The following ATG7 variants were observed in gnomAD, a reference collection of about 807,000 sequenced individuals.
ATG7 encodes the protein autophagy related 7, also known as ubiquitin-like modifier-activating enzyme ATG7.
In ATG7, 70 loss-of-function variants were observed where a neutral mutation model predicts 82.4. The ratio of observed to expected loss-of-function variants is 0.85; its 90% CI spans 0.70 to 1.04. ATG7 has a LOEUF of 1.04. ATG7 is among the 50% of genes least tolerant of loss of function. The pLI, the probability that ATG7 is intolerant of heterozygous loss-of-function variation, is 0.00. For synonymous variants in ATG7, 287 were observed against 313.0 expected (o/e 0.92, Z 0.88); for missense variants, 792 against 864.3 (o/e 0.92, Z 1.05).
chr3:11,539,854 C>T (rs1259756793), intron 20 of ATG7, among the ~76,000 whole-genome samples: 1 of 152,230 alleles, frequency 6.6e-6, no homozygotes, highest in African/African-American at 2.4e-5. Flanking sequence ...CCTGTCCTGC[C>T]CTGCACAGCC....
intron 20 of ATG7, among the ~76,000 whole-genome samples, chr3:11,473,535 C>T (rs1201960079): frequency 1.3e-5 from 2 of 152,126 alleles, no homozygotes; most frequent in Non-Finnish European, 1.5e-5. Flanking sequence ...CCTGAAAGGC[C>T]GTTCTCCAAG....
intron 20 of ATG7, among the ~76,000 whole-genome samples, chr3:11,506,564 A>G (rs2091728794): frequency 1.4e-5 from 1 of 69,580 alleles, no homozygotes; most frequent in Non-Finnish European, 3.0e-5. Flanking sequence ...CAAAAAAAAA[A>G]AAAAAAAAAA....
intron 14 of ATG7, among the ~76,000 whole-genome samples, chr3:11,349,366 C>T (rs1045436232): frequency 6.6e-6 from 1 of 152,098 alleles, no homozygotes; most frequent in African/African-American, 2.4e-5. Context: ...TAGTGAGACC[C>T]TATCTCTTTA....
At chr3:11,384,011 A>G (rs2078125238) in intron 19 of ATG7, among the ~76,000 whole-genome samples, 1 of 152,204 alleles carries the variant, frequency 6.6e-6, no homozygotes, top group African/African-American at 2.4e-5. Context: ...CACTCCAGAA[A>G]GTTCCCAGGT....
intron 11 of ATG7, 54 bp downstream of exon 11, chr3:11,333,147 C>T: frequency 2.7e-6 from 4 of 1,483,620 alleles, no homozygotes; most frequent in Non-Finnish European, 3.6e-6. Context: ...AGAAACGGAA[C>T]CAGGTTTACT....
intron 20 of ATG7, among the ~76,000 whole-genome samples, chr3:11,478,282 T>C (rs556456362): frequency 6.6e-6 from 1 of 152,322 alleles, no homozygotes; most frequent in Non-Finnish European, 1.5e-5. Context: ...AATCTCTATC[T>C]CTCTTTTAGA....
chr3:11,568,593 T>C, the ATG7 span: 7 of 1,563,428 alleles, frequency 4.5e-6, no homozygotes, highest in Middle Eastern at 5.0e-4. The surrounding 1 kb of genome is among the most constrained non-coding windows in gnomAD (Gnocchi z 5.9). Context: ...AGTAAAATTA[T>C]ACATTACTCA....
intron 19 of ATG7, among the ~76,000 whole-genome samples, chr3:11,392,742 T>C (rs373101237): frequency 1.1e-4 from 16 of 152,270 alleles, no homozygotes; most frequent in African/African-American, 3.1e-4. Context: ...TTTAGGAAAT[T>C]TGATGCACCA....
chr3:11,363,493 TCACC>T (rs1370128295), intron 17 of ATG7, among the ~76,000 whole-genome samples: 1 of 152,214 alleles, frequency 6.6e-6, no homozygotes, highest in African/African-American at 2.4e-5. Context: ...CAGAAGTGAT[TCACC>T]CACCTTATCC....
At chr3:11,393,973 G>A (rs1246116328) in intron 19 of ATG7, among the ~76,000 whole-genome samples, 1 of 152,144 alleles carries the variant, frequency 6.6e-6, no homozygotes, top group East Asian at 1.9e-4. Context: ...AAGCCACCAT[G>A]CCCGGCCAGC....
intron 14 of ATG7, among the ~76,000 whole-genome samples, chr3:11,356,350 A>G (rs1472165628): frequency 6.6e-6 from 1 of 152,174 alleles, no homozygotes. Context: ...GTTTTAGAAA[A>G]TATTGGTGCC....
At chr3:11,294,086 C>T (rs1945459423) in intron 3 of ATG7, among the ~76,000 whole-genome samples, 1 of 151,204 alleles carries the variant, frequency 6.6e-6, no homozygotes, top group African/African-American at 2.4e-5. Flanking sequence ...AGCATGGAAG[C>T]CTTCAAAAAC....
chr3:11,384,002 A>G (rs1392984932), intron 19 of ATG7, among the ~76,000 whole-genome samples: 1 of 152,012 alleles, frequency 6.6e-6, no homozygotes, highest in Non-Finnish European at 1.5e-5. Flanking sequence ...TTTTTCCATC[A>G]CTCCAGAAAG....
the ATG7 span, among the ~76,000 whole-genome samples, chr3:11,574,789 G>A: frequency 1.2e-3 from 105 of 85,646 alleles, 1 homozygote; most frequent in African/African-American, 5.6e-3. Context: ...CTATATATGT[G>A]TGTGTGTGTG....
chr3:11,302,528 TTATGAAA>T (rs1946948894), intron 5 of ATG7, among the ~76,000 whole-genome samples: 1 of 152,224 alleles, frequency 6.6e-6, no homozygotes, highest in African/African-American at 2.4e-5. Context: ...ATACAAAGAC[TTATGAAA>T]TATGTTCTCC....
At chr3:11,303,663 G>A (rs1243204879) in intron 5 of ATG7, among the ~76,000 whole-genome samples, 3 of 149,900 alleles carry the variant, frequency 2.0e-5, no homozygotes, top group Admixed American at 1.3e-4. Flanking sequence ...GCGAGACTCC[G>A]TCTCTAAAAA....
intron 16 of ATG7, among the ~76,000 whole-genome samples, chr3:11,362,538 A>G (rs957002108): frequency 1.3e-5 from 2 of 152,234 alleles, no homozygotes; most frequent in African/African-American, 4.8e-5. Flanking sequence ...GTTCCATTAT[A>G]TGAGGCAGCT....
intron 6 of ATG7, among the ~76,000 whole-genome samples, chr3:11,307,769 G>A: frequency 6.6e-6 from 1 of 152,230 alleles, no homozygotes; most frequent in South Asian, 2.1e-4. Context: ...TCTAACCGCT[G>A]TAATCAAGGA....
chr3:11,567,172 C>CTTAG, the ATG7 span, among the ~76,000 whole-genome samples: 1 of 152,150 alleles, frequency 6.6e-6, no homozygotes, highest in South Asian at 2.1e-4. Flanking sequence ...CCGAGGCGTT[C>CTTAG]CGAGCCTCGG....
Sources: allele counts gnomAD v4.1 joint callset (sites outside exome capture counted in the v4.1 genomes callset), GRCh38; gene constraint gnomAD v4.1.1; non-coding constraint Gnocchi (gnomAD v3.1); transcripts MANE v1.5; gene names NCBI Gene and HGNC (gene_info 2026-07-23, HGNC 2026-07-21).